BBS4: variants seen among roughly 807,000 people sequenced by gnomAD.
The protein encoded by BBS4 is BBSome complex member BBS4.
In BBS4, 58 loss-of-function variants were observed where a neutral mutation model predicts 71.4. The ratio of observed to expected loss-of-function variants is 0.81; its 90% confidence interval spans 0.66 to 1.01. The LOEUF (loss-of-function observed/expected upper bound fraction) is 1.01. Ranked by LOEUF, BBS4 falls within the 50% of genes least tolerant of loss-of-function variation. The pLI, the probability that BBS4 is intolerant of heterozygous loss-of-function variation, is 0.00. For synonymous variants in BBS4, 228 were observed against 216.8 expected, an observed-to-expected ratio of 1.05 and a Z score of -0.46; for missense variants, 660 against 607.9, an observed-to-expected ratio of 1.09 and a Z score of -0.90.
At chr15:72,707,767 C>G (rs2065290975) in intron 2 of BBS4, among the ~76,000 whole-genome samples, 2 of 152,032 alleles carry the variant, frequency 1.3e-5, no homozygotes, top group Non-Finnish European at 2.9e-5. Flanking sequence ...TGAATTTGAC[C>G]ATATTTTAAA....
chr15:72,735,143 A>G lies in BBS4; in HGVS notation c.1067A>G (p.Asn356Ser). 6.2e-7 allele frequency: 1 copy of G among 1,613,856 alleles called. No individual in the cohort carries two copies. Among genetic ancestry groups the G allele is most frequent in the Non-Finnish European group, 8.5e-7 (1 of 1,179,810 alleles). ...VALTNLEDIENAKRAYAEAVH... is the reference protein window; with the variant it reads ...VALTNLEDIESAKRAYAEAVH... ...CTGACCAATCTGGAAGATATAGAAAATGCCAAGAGAGCCTACGCAGAAGCA... is the reference window on the plus strand; with the variant it reads ...CTGACCAATCTGGAAGATATAGAAAGTGCCAAGAGAGCCTACGCAGAAGCA... Residue 356 changes from asparagine (N) to serine (S), a missense_variant, in exon 13 of 16, where the codon AAT becomes AGT. Physicochemically the swap from Asn to Ser is conservative, Grantham distance 46. Transcript: ENST00000268057.
chr15:72,735,197 G>T lies in BBS4; in HGVS notation c.1106+15G>T. 1 of 1,607,826 alleles carries T rather than the reference G, an allele frequency of 6.2e-7. No individual in the cohort carries two copies. The highest frequency in any genetic ancestry group is 1.1e-5 in the South Asian group (1 of 90,880). On this transcript the variant is annotated intron_variant, in intron 13 of 15. Coordinates refer to ENST00000268057, the MANE Select transcript of BBS4 (RefSeq NM_033028.5). ...CACCTGGATAAGTATGCACTTTGTT[G>T]AGAATGGTACTGGCGGGGGTTGGAC...
chr15:72,693,510 C>G (rs1336071020), intron 1 of BBS4, among the ~76,000 whole-genome samples: 2 of 152,158 alleles, frequency 1.3e-5, no homozygotes, highest in African/African-American at 2.4e-5. Flanking sequence ...TAGAGTCTCT[C>G]TGACAACTAC....
intron 8 of BBS4, among the ~76,000 whole-genome samples, chr15:72,725,780 C>CT (rs1420739746): frequency 1.8e-5 from 1 of 57,070 alleles, no homozygotes; most frequent in African/African-American, 6.4e-5. Context: ...TTCCTCTTCC[C>CT]CTTCCTCCTT....
rs2098997268 is a variant in BBS4, at chr15:72,731,179, C to T, written c.712-126C>T. On this transcript the variant is annotated intron_variant, in intron 10 of 15. Coordinates refer to ENST00000268057, the MANE Select transcript of BBS4 (RefSeq NM_033028.5). ...CCCAATAGGTTGGATATATTTATGTCCCTGGAAGAAATTTTCCAGTCCCAT... is the reference window on the plus strand; with the variant it reads ...CCCAATAGGTTGGATATATTTATGTTCCTGGAAGAAATTTTCCAGTCCCAT... 10 of 1,062,000 alleles carry T rather than the reference C, an allele frequency of 9.4e-6. No homozygotes were observed. The South Asian group carries it at 1.0e-4, about 11-fold the overall frequency. 65.8% of individuals were successfully genotyped at this position (1,062,000 alleles called of 1,614,324 possible).
At chr15:72,709,428 A>T (rs2065325893) in intron 2 of BBS4, among the ~76,000 whole-genome samples, 2 of 152,222 alleles carry the variant, frequency 1.3e-5, no homozygotes, top group Admixed American at 1.3e-4. Flanking sequence ...GGATGATTTT[A>T]TGTTTTTCAG....
chr15:72,687,124 C>CTTTTTTTTTTTTTTTTTTTTTT lies in BBS4; in HGVS notation c.24+883_24+884insTTTTTTTTTTTTTTTTTTTTTT, dbSNP rs1458417621. Among the ~76,000 whole-genome samples the CTTTTTTTTTTTTTTTTTTTTTT allele has an allele frequency of 2.5e-3, 190 of 76,224 alleles. 52 individuals are homozygous for CTTTTTTTTTTTTTTTTTTTTTT. The highest frequency in any genetic ancestry group is 4.6e-3 in the African/African-American group (95 of 20,532). The allele number at this position is 76,224 out of a possible 152,430, so 50.0% of individuals were successfully genotyped here. ...AATTAGAAAACTCTGAAGACAGAAA[C>CTTTTTTTTTTTTTTTTTTTTTT]TTTTTTTTTTGAGACGGAGTGTCGC... On this transcript the variant is annotated intron_variant, in intron 1 of 15. Transcript: ENST00000268057.
intron 2 of BBS4, among the ~76,000 whole-genome samples, chr15:72,708,593 A>C (rs948313002): frequency 6.6e-6 from 1 of 152,222 alleles, no homozygotes; most frequent in African/African-American, 2.4e-5. Context: ...GGAACAAGGG[A>C]AGACAACCAT....
chr15:72,702,964 C>T (rs181977124), intron 2 of BBS4, among the ~76,000 whole-genome samples: 1,982 of 145,616 alleles, frequency 0.014, 49 homozygotes, highest in African/African-American at 0.046. Context: ...CCCGCCACTA[C>T]GCCCGGCTAA....
Position 72,737,607 on chromosome 15 carries a change from A to C in BBS4, c.*20A>C, listed in dbSNP as rs930650337. 6.4e-7 allele frequency: 1 copy of C among 1,569,940 alleles called. No homozygotes were observed. On this transcript the variant is annotated 3_prime_UTR_variant, in exon 16 of 16. Transcript: ENST00000268057. ...AAATAAGAATAGAATGAATGACCCC[A>C]AAATAGGGTTTTCTTGGGCGAGGAT...
chr15:72,686,282 G>A (rs1268877165), intron 1 of BBS4, 31 bp downstream of exon 1: 1 of 1,559,406 alleles, frequency 6.4e-7, no homozygotes, highest in South Asian at 1.2e-5. Flanking sequence ...TAGTTGCCCG[G>A]CCGCAGGGCA....
At chr15:72,725,151 C>G (rs1297106914) in intron 8 of BBS4, among the ~76,000 whole-genome samples, 3 of 151,904 alleles carry the variant, frequency 2.0e-5, no homozygotes, top group Non-Finnish European at 4.4e-5. Flanking sequence ...GCCTCAACCT[C>G]TTGGGCTAAA....
At chr15:72,702,802 C>CTGTTTTTTTTTTTTTTTTTTT in intron 2 of BBS4, among the ~76,000 whole-genome samples, 1 of 73,494 alleles carries the variant, frequency 1.4e-5, no homozygotes, top group East Asian at 6.2e-4. Context: ...GGAGCTGACT[C>CTGTTTTTTTTTTTTTTTTTTT]TTTTTTTTTT....
At chr15:72,723,666 G>T (rs1233768011) in intron 7 of BBS4, among the ~76,000 whole-genome samples, 1 of 152,212 alleles carries the variant, frequency 6.6e-6, no homozygotes, top group Non-Finnish European at 1.5e-5. Context: ...CACATTAGCA[G>T]TTGGGGTGTA....
At chr15:72,711,752 C>T (rs4776610) in intron 3 of BBS4, among the ~76,000 whole-genome samples, 145,004 of 152,288 alleles carry the variant, frequency 0.95, 69,461 homozygotes, top group East Asian at 1. Flanking sequence ...GAAGTAATCA[C>T]AACAAGGGAG....
chr15:72,712,135 G>C, intron 3 of BBS4, 109 bp from the exon 4 acceptor site: 1 of 929,478 alleles, frequency 1.1e-6, no homozygotes, highest in Non-Finnish European at 1.7e-6. Context: ...CCAAAGTTTT[G>C]GGATTACAAG....
chr15:72,724,441 C>T, intron 7 of BBS4, 87 bp from the exon 8 acceptor site: 8 of 1,576,514 alleles, frequency 5.1e-6, no homozygotes, highest in South Asian at 1.1e-5. Context: ...GTCAATACAG[C>T]AGAAAGTGTC....
Position 72,688,046 on chromosome 15 carries a change from CAA to C in BBS4, c.24+1817_24+1818del, listed in dbSNP as rs199931617. ...TGGGTGACAGAGCAAGACTCCGTCT[CAA>C]AAAAAAAAAAAAAAAAAAAAAGAAA... On this transcript the variant is annotated intron_variant, in intron 1 of 15. Transcript: ENST00000268057. 8.1e-3 allele frequency among the ~76,000 whole-genome samples: 685 copies of C among 84,802 alleles called. 2 individuals carry two copies. The highest frequency in any genetic ancestry group is 0.022 in the African/African-American group (651 of 29,274). 55.6% of individuals were successfully genotyped at this position (84,802 alleles called of 152,430 possible). A position where few individuals can be genotyped will look rare whatever the true frequency, so the allele number is the denominator to read the frequency against.
chr15:72,717,022 C>A (rs936057612), intron 6 of BBS4, 172 bp downstream of exon 6: 1 of 629,230 alleles, frequency 1.6e-6, no homozygotes, highest in Non-Finnish European at 2.8e-6. Context: ...TTCCTCATAA[C>A]TTTGCAGGCA....
Sources: allele counts gnomAD v4.1 joint callset (sites outside exome capture counted in the v4.1 genomes callset), GRCh38; gene constraint gnomAD v4.1.1; transcripts MANE v1.5; gene names NCBI Gene and HGNC (gene_info 2026-07-23, HGNC 2026-07-21).